CACNG8: variants seen among roughly 807,000 people sequenced by gnomAD.
CACNG8 encodes the protein calcium voltage-gated channel auxiliary subunit gamma 8.
A neutral mutation model predicts 26.9 loss-of-function variants in CACNG8; 5 were observed. The observed-to-expected ratio is 0.19, with a 90% CI of 0.10 to 0.39. The LOEUF is 0.39. CACNG8 is among the 10% of genes least tolerant of loss of function. The probability of loss-of-function intolerance (pLI) is 1.00; values close to 1 mark genes in which losing one functional copy is unlikely to be tolerated. For synonymous variants in CACNG8, 321 were observed against 296.7 expected (o/e 1.08, Z -0.84); for missense variants, 473 against 609.4 (o/e 0.78, Z 2.36).
chr19:53,974,381 G>A (rs567616742), intron 1 of CACNG8, among the ~76,000 whole-genome samples: 4 of 152,226 alleles, frequency 2.6e-5, no homozygotes, highest in South Asian at 2.1e-4. Context: ...GGGTGTTTCC[G>A]CTTTTTGGCT....
At chr19:53,972,420 G>T (rs1210033042) in intron 1 of CACNG8, among the ~76,000 whole-genome samples, 16 of 131,228 alleles carry the variant, frequency 1.2e-4, no homozygotes, top group Non-Finnish European at 1.7e-4. Context: ...GGAGTGCAAT[G>T]GTGTGATCTC....
At chr19:53,979,795 GGAA>G in intron 2 of CACNG8, 69 bp from the exon 3 acceptor site, 1 of 1,481,966 alleles carries the variant, frequency 6.7e-7, no homozygotes. Context: ...TGGGGGGCCG[GGAA>G]GGGGGCGCAG....
At chr19:53,980,947 T>C (rs75690664) in intron 3 of CACNG8, among the ~76,000 whole-genome samples, 11,720 of 151,206 alleles carry the variant, frequency 0.078, 508 homozygotes, top group African/African-American at 0.12. Flanking sequence ...CTGCAAGGGG[T>C]GGGGCTTGGA....
At chr19:53,977,943 C>G (rs886306454) in intron 1 of CACNG8, among the ~76,000 whole-genome samples, 1 of 152,120 alleles carries the variant, frequency 6.6e-6, no homozygotes. Context: ...TTCTTCTTTT[C>G]TTTAACAGGC....
At chr19:53,981,259 G>A (rs554388372) in intron 3 of CACNG8, among the ~76,000 whole-genome samples, 4 of 152,296 alleles carry the variant, frequency 2.6e-5, no homozygotes, top group Non-Finnish European at 4.4e-5. Context: ...GAAAAACCCA[G>A]GTTTATAACG....
chr19:53,971,017 C>T (rs1474646770), intron 1 of CACNG8, among the ~76,000 whole-genome samples: 5 of 148,200 alleles, frequency 3.4e-5, no homozygotes, highest in African/African-American at 7.5e-5. Flanking sequence ...TTAGGCTGGG[C>T]ACGGTGGCTC....
rs2069425109 is a variant in CACNG8, at chr19:53,989,179, ATTGC to A, written c.*6334_*6337del. On this transcript the variant is annotated 3_prime_UTR_variant, in exon 4 of 4. Transcript: ENST00000270458. The stretch of plus-strand genomic sequence containing the variant: ...ATACTCGGGAGGCTGAGGCGGGAGG[ATTGC>A]TTGAGTCCAGGAGTTTAAGGTTGCA... 1 of 152,306 alleles carries A rather than the reference ATTGC, an allele frequency of 6.6e-6. No individual in the cohort carries two copies. Among genetic ancestry groups the A allele is most frequent in the African/African-American group, 2.4e-5 (1 of 41,452 alleles). 9.4% of individuals were successfully genotyped at this position (152,306 alleles called of 1,614,324 possible).
rs2069341134 is a variant in CACNG8 at position 53,978,133 on chromosome 19, C to T, written c.284-13C>T. 1.2e-6 allele frequency: 2 copies of T among 1,606,950 alleles called. No homozygotes were observed. The highest frequency in any genetic ancestry group is 1.7e-6 in the Non-Finnish European group (2 of 1,175,954). ...AGTATCCGCCCCCACCACTGCCCTC[C>T]CCGCTCCTCCAGGGTTGAAAAGAGG... On this transcript the variant is annotated splice_polypyrimidine_tract_variant and intron_variant, in intron 1 of 3. Coordinates refer to ENST00000270458, the MANE Select transcript of CACNG8 (RefSeq NM_031895.6).
intron 1 of CACNG8, among the ~76,000 whole-genome samples, chr19:53,968,392 AAAG>A (rs1458748334): frequency 1.3e-5 from 2 of 151,956 alleles, no homozygotes; most frequent in East Asian, 1.9e-4. Flanking sequence ...ACAAAAAAAA[AAAG>A]AGAGAGAAGA....
intron 1 of CACNG8, among the ~76,000 whole-genome samples, chr19:53,971,170 T>C: frequency 6.6e-6 from 1 of 151,280 alleles, no homozygotes; most frequent in South Asian, 2.1e-4. Flanking sequence ...TGGGCAACTG[T>C]AATTCCAGCT....
chr19:53,964,380 T>G (rs1327996432), intron 1 of CACNG8, among the ~76,000 whole-genome samples: 2 of 151,996 alleles, frequency 1.3e-5, no homozygotes, highest in African/African-American at 4.8e-5. Flanking sequence ...CTCCTCCTGT[T>G]CATCTTTCTC....
intron 1 of CACNG8, among the ~76,000 whole-genome samples, chr19:53,976,382 A>G (rs541874604): frequency 7.9e-5 from 12 of 152,278 alleles, no homozygotes; most frequent in Admixed American, 1.3e-4. Flanking sequence ...GAGACGTTCC[A>G]ATACCTAACA....
At position 53,987,815 on chromosome 19, in the gene CACNG8, A is replaced by C. The variant is rs941506167; in HGVS notation, c.*4966A>C. ...TAGCCAGTTGGATATGTGAGACTGG[A>C]GTTTGGGGGAAAGAGAGGCCGTGGC... On this transcript the variant is annotated 3_prime_UTR_variant, in exon 4 of 4. Transcript: ENST00000270458. 2 of 151,824 alleles carry C rather than the reference A, an allele frequency of 1.3e-5. No individual in the cohort carries two copies. Among genetic ancestry groups the C allele is most frequent in the Non-Finnish European group, 2.9e-5 (2 of 67,992 alleles). The allele number at this position is 151,824 out of a possible 1,614,324, so 9.4% of individuals were successfully genotyped here.
Position 53,970,322 on chromosome 19 carries a change from G to A in CACNG8, c.283+6897G>A, listed in dbSNP as rs368645600. Among the ~76,000 whole-genome samples, 16 of 148,176 alleles carry A rather than the reference G, an allele frequency of 1.1e-4. No individual in the cohort carries two copies. The East Asian group carries it at 2.4e-3, about 23-fold the overall frequency. On this transcript the variant is annotated intron_variant, in intron 1 of 3. Coordinates refer to ENST00000270458, the MANE Select transcript of CACNG8 (RefSeq NM_031895.6). ...CAGAGTGAGATCCCAGAGTGAGAAAGAAAAAAGAAATATAACACAAGGATG... is the reference window on the plus strand; with the variant it reads ...CAGAGTGAGATCCCAGAGTGAGAAAAAAAAAAGAAATATAACACAAGGATG...
At position 53,988,751 on chromosome 19, in the gene CACNG8, G is replaced by T. The variant is rs554871840; in HGVS notation, c.*5902G>T. 6.6e-6 allele frequency: 1 copy of T among 152,416 alleles called. No individual in the cohort carries two copies. Among genetic ancestry groups the T allele is most frequent in the Admixed American group, 6.5e-5 (1 of 15,274 alleles). The allele number at this position is 152,416 out of a possible 1,614,324, so 9.4% of individuals were successfully genotyped here. A position where few individuals can be genotyped will look rare whatever the true frequency, so the allele number is the denominator to read the frequency against. On this transcript the variant is annotated 3_prime_UTR_variant, in exon 4 of 4. Transcript: ENST00000270458. ...GAGATGGGGAAGCCCAGGGCCAGGA[G>T]GGGAAGATGAATTCAGGGGGCAGGG...
chr19:53,981,405 C>T (rs941107066), intron 3 of CACNG8, among the ~76,000 whole-genome samples: 2 of 151,870 alleles, frequency 1.3e-5, no homozygotes, highest in African/African-American at 2.4e-5. Flanking sequence ...GCCTGGACCG[C>T]TTGGGGTGGA....
chr19:53,970,522 G>A (rs551113481), intron 1 of CACNG8, among the ~76,000 whole-genome samples: 1 of 150,484 alleles, frequency 6.6e-6, no homozygotes, highest in African/African-American at 2.4e-5. Context: ...CTACTGGGGA[G>A]GCTGAGGCAG....
In CACNG8 at chr19:53,982,416, A is replaced by AGCCGTC; in HGVS notation, c.854_859dup (p.Pro285_Ser286dup). The AGCCGTC allele has an allele frequency of 6.6e-7, 1 of 1,520,736 alleles. No homozygotes were observed. Among genetic ancestry groups the AGCCGTC allele is most frequent in the Non-Finnish European group, 8.8e-7 (1 of 1,140,958 alleles). 94.2% of individuals were successfully genotyped at this position (1,520,736 alleles called of 1,614,324 possible). A position where few individuals can be genotyped will look rare whatever the true frequency, so the allele number is the denominator to read the frequency against. Reference sequence around the variant, plus strand: ...TCCCGCTCTAGCTCCCGCTCCAGCGAGCCGTCGCCGTCGCGGGACGCGTCT... The same window carrying AGCCGTC: ...TCCCGCTCTAGCTCCCGCTCCAGCGAGCCGTCGCCGTCGCCGTCGCGGGACGCGTCT... On this transcript the variant is annotated inframe_insertion, in exon 4 of 4. Transcript: ENST00000270458. This position sits in a 1 kb window ranked among gnomAD's most constrained non-coding sequence, Gnocchi z 8.4.
At chr19:53,965,480 G>C (rs1436217399) in intron 1 of CACNG8, among the ~76,000 whole-genome samples, 1 of 151,926 alleles carries the variant, frequency 6.6e-6, no homozygotes, top group Non-Finnish European at 1.5e-5. Flanking sequence ...GTCTGACCAA[G>C]TACCAGGCAT....
Sources: gnomAD v4.1 joint callset for allele counts (sites outside exome capture counted in the v4.1 genomes callset) on GRCh38, gnomAD v4.1.1 for gene constraint, Gnocchi (gnomAD v3.1) non-coding constraint, MANE v1.5 for transcripts, NCBI Gene and HGNC (gene_info 2026-07-23, HGNC 2026-07-21) for gene names.